The following RHOT1 variants were observed in gnomAD, a reference collection of about 807,000 sequenced individuals.
RHOT1 encodes the protein mitochondrial Rho GTPase 1.
A neutral mutation model predicts 95.3 loss-of-function variants in RHOT1; 27 were observed. That is an observed-to-expected ratio of 0.28 (90% CI 0.21 to 0.39). The LOEUF (loss-of-function observed/expected upper bound fraction) is 0.39. RHOT1 is among the 10% of genes least tolerant of loss of function. The pLI, the probability that RHOT1 is intolerant of heterozygous loss-of-function variation, is 1.00. For missense variants in RHOT1, 578 were observed against 786.7 expected (o/e 0.73, Z 3.17); for synonymous variants, 227 against 263.5 (o/e 0.86, Z 1.34).
At chr17:32,174,256 T>C (rs571078690) in intron 3 of RHOT1, among the ~76,000 whole-genome samples, 40 of 152,378 alleles carry the variant, frequency 2.6e-4, no homozygotes, top group African/African-American at 9.6e-4. Context: ...GTAAAATATG[T>C]CATTAATTTT....
intron 1 of RHOT1, among the ~76,000 whole-genome samples, chr17:32,145,259 C>G (rs1458209351): frequency 6.6e-6 from 1 of 152,116 alleles, no homozygotes; most frequent in Non-Finnish European, 1.5e-5. Context: ...GAGATCACAC[C>G]ACTGCATTCC....
intron 1 of RHOT1, chr17:32,151,022 T>A (rs2032216291): frequency 1.4e-6 from 2 of 1,474,118 alleles, no homozygotes; most frequent in Non-Finnish European, 1.9e-6. Flanking sequence ...AACCTGGGAG[T>A]GGGGGAAGAG....
intron 2 of RHOT1, among the ~76,000 whole-genome samples, chr17:32,173,372 CCTTT>C (rs1391383206): frequency 2.0e-5 from 3 of 152,084 alleles, no homozygotes; most frequent in Admixed American, 6.6e-5. Context: ...ATGAACATTT[CCTTT>C]GAGTATCATG....
chr17:32,191,790 T>G (rs964975729), intron 8 of RHOT1, among the ~76,000 whole-genome samples: 3 of 152,194 alleles, frequency 2.0e-5, no homozygotes, highest in African/African-American at 7.2e-5. Context: ...ACAAATCTCA[T>G]TCTGCTACCA....
At chr17:32,198,838 T>C (rs1369870221) in intron 11 of RHOT1, 109 bp from the exon 12 acceptor site, 13 of 689,354 alleles carry the variant, frequency 1.9e-5, no homozygotes, top group South Asian at 3.8e-5. Flanking sequence ...AGTGAAGATA[T>C]TCTTGTAAAT....
chr17:32,199,092 A>G (rs2142825946), intron 12 of RHOT1, 61 bp downstream of exon 12: 1 of 1,277,438 alleles, frequency 7.8e-7, no homozygotes. Context: ...TGGATGATAT[A>G]ACTCTGTTCC....
chr17:32,165,060 CG>C (rs1478696851), intron 1 of RHOT1, among the ~76,000 whole-genome samples: 2 of 150,412 alleles, frequency 1.3e-5, no homozygotes, highest in Non-Finnish European at 3.0e-5. Context: ...CAGGGCCGGG[CG>C]TGGGCGTGGT....
At chr17:32,209,115 A>C in intron 18 of RHOT1, 1 of 259,766 alleles carries the variant, frequency 3.8e-6, no homozygotes, top group East Asian at 7.0e-5. Flanking sequence ...CAGAGTAATA[A>C]TCAAACATTG....
intron 16 of RHOT1, among the ~76,000 whole-genome samples, chr17:32,205,463 G>A (rs2037645745): frequency 6.6e-6 from 1 of 152,150 alleles, no homozygotes; most frequent in South Asian, 2.1e-4. Flanking sequence ...TCTGTAATCT[G>A]AATCAAGTTT....
Position 32,199,517 on chromosome 17 carries a change from G to T in RHOT1, c.1067G>T (p.Trp356Leu). The T allele has an allele frequency of 6.2e-7, 1 of 1,611,990 alleles. No homozygotes were observed. Among genetic ancestry groups the T allele is most frequent in the Non-Finnish European group, 8.5e-7 (1 of 1,179,546 alleles). The change falls in exon 13 of 20, where the codon TGG (tryptophan) becomes TTG (leucine). Residue 356 changes from tryptophan to leucine, a missense_variant. Coordinates refer to ENST00000545287, the MANE Select transcript of RHOT1 (RefSeq NM_001033566.3). Reference protein sequence around the residue: ...NNTVCTNERGWITYQGFLSQW... With the variant: ...NNTVCTNERGLITYQGFLSQW... ...ACAGTTTGTACCAATGAAAGAGGCT[G>T]GATAACCTACCAGGGATTCCTTTCC... is the stretch of plus-strand genomic sequence containing the variant.
intron 13 of RHOT1, among the ~76,000 whole-genome samples, chr17:32,200,067 G>T (rs1005723482): frequency 6.6e-6 from 1 of 151,284 alleles, no homozygotes; most frequent in Admixed American, 6.6e-5. Context: ...TCAGCCATGA[G>T]GTTCTTTCAC....
chr17:32,198,679 A>G (rs997750073), intron 11 of RHOT1, among the ~76,000 whole-genome samples: 1 of 152,186 alleles, frequency 6.6e-6, no homozygotes, highest in Non-Finnish European at 1.5e-5. Flanking sequence ...ACTGCACTGT[A>G]GCCCGGGCAG....
intron 1 of RHOT1, 113 bp downstream of exon 1, chr17:32,142,842 C>A: frequency 4.4e-6 from 4 of 903,614 alleles, no homozygotes; most frequent in Non-Finnish European, 6.9e-6. Context: ...GCCCTTCTCG[C>A]GCCTCACAGC....
At chr17:32,187,777 C>T (rs2142725329) in intron 8 of RHOT1, among the ~76,000 whole-genome samples, 1 of 152,230 alleles carries the variant, frequency 6.6e-6, no homozygotes, top group Non-Finnish European at 1.5e-5. Flanking sequence ...CCATGTTGGC[C>T]AGGCTGGTCT....
chr17:32,206,192 C>CT (rs71144812), intron 16 of RHOT1, among the ~76,000 whole-genome samples: 1,822 of 60,558 alleles, frequency 0.03, 356 homozygotes, highest in African/African-American at 0.045. Flanking sequence ...TCCATAGAAT[C>CT]TTTTTTTTTT....
chr17:32,204,626 TAAAAAAATTAAA>T (rs1313725058), intron 16 of RHOT1, among the ~76,000 whole-genome samples: 2 of 146,714 alleles, frequency 1.4e-5, no homozygotes, highest in African/African-American at 5.5e-5. Context: ...ATTCATCATT[TAAAAAAATTAAA>T]AAAAAAATTA....
At chr17:32,177,825 C>CT (rs1160353661) in intron 6 of RHOT1, among the ~76,000 whole-genome samples, 2 of 147,166 alleles carry the variant, frequency 1.4e-5, no homozygotes, top group African/African-American at 5.0e-5. Flanking sequence ...TTCTTTCTTT[C>CT]TTCTTTTTTT....
At chr17:32,184,246 C>G (rs1356370673) in intron 8 of RHOT1, among the ~76,000 whole-genome samples, 1 of 151,996 alleles carries the variant, frequency 6.6e-6, no homozygotes, top group Admixed American at 6.6e-5. Flanking sequence ...CCTATTGTCC[C>G]GTTACTCAGC....
rs1445733309 is a variant in RHOT1 at position 32,208,117 on chromosome 17, T to C, written c.1547T>C (p.Met516Thr). Residue 516 changes from methionine to threonine, a missense_variant, in exon 18 of 20, where the codon ATG becomes ACG. Transcript: ENST00000545287. Reference sequence around the variant, plus strand: ...TTTTTTATTCCATAGCAACACTTTATGGACAGCAGAATACCTTGCTTAATC... The same window carrying C: ...TTTTTTATTCCATAGCAACACTTTACGGACAGCAGAATACCTTGCTTAATC... ...YCARIFKQHF[M>T]DSRIPCLIVA... 1.9e-6 allele frequency: 3 copies of C among 1,613,900 alleles called. No homozygotes were observed. Among genetic ancestry groups the C allele is most frequent in the Admixed American group, 3.3e-5 (2 of 60,018 alleles).
Sources: gnomAD v4.1 joint callset for allele counts (sites outside exome capture counted in the v4.1 genomes callset) on GRCh38, gnomAD v4.1.1 for gene constraint, MANE v1.5 for transcripts, NCBI Gene and HGNC (gene_info 2026-07-23, HGNC 2026-07-21) for gene names.